The following ALDH9A1 variants were observed in gnomAD, a reference collection of about 807,000 sequenced individuals.
ALDH9A1 encodes aldehyde dehydrogenase 9 family member A1.
In ALDH9A1, 42 loss-of-function variants were observed where a neutral mutation model predicts 56.6. That is an observed-to-expected ratio of 0.74 (90% confidence interval 0.58 to 0.96). ALDH9A1 has a LOEUF of 0.96. Ranked by LOEUF, ALDH9A1 falls within the 40% of genes least tolerant of loss-of-function variation. ALDH9A1 has a pLI of 0.00. For synonymous variants in ALDH9A1, 242 were observed against 236.0 expected, an observed-to-expected ratio of 1.03 and a Z score of -0.23; for missense variants, 661 against 651.5, an observed-to-expected ratio of 1.01 and a Z score of -0.16.
intron 6 of ALDH9A1, among the ~76,000 whole-genome samples, chr1:165,672,859 C>T (rs1649223528): frequency 6.6e-6 from 1 of 151,876 alleles, no homozygotes; most frequent in African/African-American, 2.4e-5. Context: ...ATCACTTGAG[C>T]TTGGGAGGTT....
intron 2 of ALDH9A1, among the ~76,000 whole-genome samples, chr1:165,685,008 A>G (rs1649662607): frequency 6.6e-6 from 1 of 152,144 alleles, no homozygotes; most frequent in African/African-American, 2.4e-5. Flanking sequence ...AAAAAAAGTT[A>G]TCTACTAAGA....
intron 6 of ALDH9A1, among the ~76,000 whole-genome samples, chr1:165,674,342 G>C (rs1313849387): frequency 2.1e-5 from 1 of 46,544 alleles, no homozygotes; most frequent in Non-Finnish European, 4.4e-5. Context: ...AAAAAAAAAA[G>C]AATGTAAGTT....
At chr1:165,695,435 T>C in intron 1 of ALDH9A1, 38 bp from the exon 2 acceptor site, 1 of 1,520,078 alleles carries the variant, frequency 6.6e-7, no homozygotes, top group Non-Finnish European at 8.8e-7. Context: ...ACTCAAATTG[T>C]TGCCACATAT....
chr1:165,697,290 T>C (rs545373920), intron 1 of ALDH9A1, among the ~76,000 whole-genome samples: 12 of 152,356 alleles, frequency 7.9e-5, no homozygotes, highest in African/African-American at 2.6e-4. Flanking sequence ...TGGTTACCAA[T>C]ACTGCATCAT....
intron 2 of ALDH9A1, among the ~76,000 whole-genome samples, chr1:165,689,651 A>G (rs1408016324): frequency 1.3e-5 from 2 of 152,130 alleles, no homozygotes; most frequent in Non-Finnish European, 2.9e-5. Context: ...CAAAAAAACT[A>G]GGCCGGATGC....
chr1:165,694,905 G>A lies in ALDH9A1; in HGVS notation c.327+347C>T, dbSNP rs1233799535. ...CGGGAGGCGAAGGTTGCAGTGAGCC[G>A]AGATCACTCCACTGCACTCCAGCCT... On this transcript the variant is annotated intron_variant, in intron 2 of 10. Coordinates refer to ENST00000354775, the MANE Select transcript of ALDH9A1 (RefSeq NM_000696.4). Among the ~76,000 whole-genome samples, 8 of 149,766 alleles carry A rather than the reference G, an allele frequency of 5.3e-5. No individual in the cohort carries two copies. The East Asian group carries it at 1.4e-3, about 26-fold the overall frequency.
intron 5 of ALDH9A1, among the ~76,000 whole-genome samples, chr1:165,680,260 A>G (rs1040926581): frequency 3.1e-4 from 47 of 152,184 alleles, no homozygotes; most frequent in African/African-American, 1.1e-3. Flanking sequence ...TGGGGCTGTT[A>G]ATTTCCACCC....
chr1:165,683,849 A>G (rs927841794), intron 2 of ALDH9A1, among the ~76,000 whole-genome samples: 5 of 152,240 alleles, frequency 3.3e-5, no homozygotes, highest in Non-Finnish European at 4.4e-5. Flanking sequence ...AAGCTAAATA[A>G]TGCCTTTCTT....
At chr1:165,692,260 G>A (rs888567448) in intron 2 of ALDH9A1, among the ~76,000 whole-genome samples, 2 of 152,120 alleles carry the variant, frequency 1.3e-5, no homozygotes, top group African/African-American at 4.8e-5. Context: ...ATTCAATTAG[G>A]AGGAAGTCAA....
chr1:165,676,439 G>T lies in ALDH9A1; in HGVS notation c.930+3003C>A, dbSNP rs528177907. 479 of 228,536 alleles carry T rather than the reference G, an allele frequency of 2.1e-3. 1 individual carries two copies. Among genetic ancestry groups the T allele is most frequent in the Non-Finnish European group, 3.4e-3 (401 of 116,364 alleles). 14.2% of individuals were successfully genotyped at this position (228,536 alleles called of 1,614,324 possible). On this transcript the variant is annotated intron_variant, in intron 6 of 10. Transcript: ENST00000354775. The stretch of plus-strand genomic sequence containing the variant: ...AAAGGCAATACTGTAGACATCAAGC[G>T]AACGGGTACTATTCAAAAAGGAATG...
intron 9 of ALDH9A1, 57 bp from the exon 10 acceptor site, chr1:165,665,187 A>C: frequency 1.4e-6 from 2 of 1,411,212 alleles, no homozygotes; most frequent in Admixed American, 1.8e-5. Flanking sequence ...TACTACTTTA[A>C]CAGGAAAAGT....
rs1409334056 is a variant in ALDH9A1, at chr1:165,665,106, C to T, written c.1374G>A (p.Val458=). The change falls in exon 10 of 11, where the codon GTG becomes GTA. Residue 458 remains valine, a synonymous_variant. Coordinates refer to ENST00000354775, the MANE Select transcript of ALDH9A1 (RefSeq NM_000696.4). ...FTRDIQRAHR[V]VAELQAGTCF... is the part of the protein sequence containing the mutation. ...ACGTCCCAGCCTGAAGCTCAGCTAC[C>T]ACTCTATGAGCCCGTTGGATGTCCC... 1 of 1,613,788 alleles carries T rather than the reference C, an allele frequency of 6.2e-7. No individual in the cohort carries two copies. The highest frequency in any genetic ancestry group is 1.1e-5 in the South Asian group (1 of 91,060).
chr1:165,664,953 A>G (rs937782051), intron 10 of ALDH9A1, 65 bp downstream of exon 10: 14 of 1,265,354 alleles, frequency 1.1e-5, no homozygotes, highest in East Asian at 2.3e-5. Context: ...ATACTGGTTT[A>G]TAAGGTCTGA....
At chr1:165,690,461 C>A (rs1018708401) in intron 2 of ALDH9A1, among the ~76,000 whole-genome samples, 13 of 152,022 alleles carry the variant, frequency 8.6e-5, no homozygotes, top group African/African-American at 3.1e-4. Context: ...TCAAGATGGC[C>A]GAATAGGAGC....
At chr1:165,668,831 T>G (rs1649084534) in intron 8 of ALDH9A1, 95 bp downstream of exon 8, 1 of 1,037,530 alleles carries the variant, frequency 9.6e-7, no homozygotes, top group Non-Finnish European at 1.4e-6. Flanking sequence ...TTGCCAGCCC[T>G]TGCTTTATAT....
chr1:165,680,475 T>C lies in ALDH9A1; in HGVS notation c.789+12A>G, dbSNP rs766203435. 1 of 1,613,362 alleles carries C rather than the reference T, an allele frequency of 6.2e-7. No homozygotes were observed. The highest frequency in any genetic ancestry group is 1.1e-5 in the South Asian group (1 of 90,988). ...TGCCATGTGTGTTGACCAATACTGG[T>C]TTTGTCCTCACCTTCATGCCAGTGG... On this transcript the variant is annotated intron_variant, in intron 5 of 10. Transcript: ENST00000354775.
At chr1:165,674,900 C>T (rs1649299574) in intron 6 of ALDH9A1, among the ~76,000 whole-genome samples, 1 of 151,596 alleles carries the variant, frequency 6.6e-6, no homozygotes, top group Non-Finnish European at 1.5e-5. Flanking sequence ...TCACACTGGG[C>T]ATGGTGGCTC....
At chr1:165,681,704 C>T (rs1649556882) in intron 4 of ALDH9A1, among the ~76,000 whole-genome samples, 1 of 151,940 alleles carries the variant, frequency 6.6e-6, no homozygotes, top group Admixed American at 6.6e-5. Flanking sequence ...CTCTTAAGAC[C>T]CAAATGAAGA....
At chr1:165,683,786 A>C (rs1169278792) in intron 2 of ALDH9A1, among the ~76,000 whole-genome samples, 1 of 152,200 alleles carries the variant, frequency 6.6e-6, no homozygotes, top group Non-Finnish European at 1.5e-5. Flanking sequence ...AAGAAATTCA[A>C]TAGATGGTCC....
Sources: gnomAD v4.1 joint callset for allele counts (sites outside exome capture counted in the v4.1 genomes callset) on GRCh38, gnomAD v4.1.1 for gene constraint, MANE v1.5 for transcripts, NCBI Gene and HGNC (gene_info 2026-07-23, HGNC 2026-07-21) for gene names.